ZRANB3: variants seen among roughly 807,000 people sequenced by gnomAD.
The protein encoded by ZRANB3 is DNA annealing helicase and endonuclease ZRANB3.
In ZRANB3, 125 loss-of-function variants were observed where a neutral mutation model predicts 133.8. The ratio of observed to expected loss-of-function variants is 0.93; its 90% CI spans 0.81 to 1.08. The LOEUF (loss-of-function observed/expected upper bound fraction) is 1.08. ZRANB3 is among the 50% of genes least tolerant of loss of function. The pLI is 0.00. For synonymous variants in ZRANB3, 387 were observed against 432.7 expected (o/e 0.89, Z 1.31); for missense variants, 1,229 against 1,275.5 (o/e 0.96, Z 0.56).
intron 2 of ZRANB3, among the ~76,000 whole-genome samples, chr2:135,458,292 T>G (rs543582334): frequency 1.3e-5 from 2 of 152,178 alleles, no homozygotes; most frequent in East Asian, 3.9e-4. Context: ...ACTATAGCTA[T>G]GTAGTAGTTT....
intron 15 of ZRANB3, among the ~76,000 whole-genome samples, chr2:135,223,562 A>G (rs902109056): frequency 6.6e-6 from 1 of 152,072 alleles, no homozygotes; most frequent in Non-Finnish European, 1.5e-5. Context: ...TCCTGACCTC[A>G]GGTGATCCAC....
At chr2:135,524,405 T>C (rs1694067976) in intron 1 of ZRANB3, among the ~76,000 whole-genome samples, 3 of 152,186 alleles carry the variant, frequency 2.0e-5, no homozygotes, top group South Asian at 4.1e-4. Flanking sequence ...AATAGAAATA[T>C]GTTTTAACAA....
At position 135,283,266 on chromosome 2, in the gene ZRANB3, C is replaced by G. The variant is rs191685939; in HGVS notation, c.967-7511G>C. 1.6e-4 allele frequency among the ~76,000 whole-genome samples: 24 copies of G among 151,708 alleles called. No homozygotes were observed. In the East Asian group the frequency reaches 4.5e-3, roughly 28 times the overall value. ...TGCCACTGCACTCCAGCCTGGGTGA[C>G]AGAGTGAGACCCTGTCTCAAACAAA... On this transcript the variant is annotated intron_variant, in intron 8 of 20. Transcript: ENST00000264159.
chr2:135,480,470 T>C (rs1179826348), intron 2 of ZRANB3, among the ~76,000 whole-genome samples: 3 of 152,090 alleles, frequency 2.0e-5, no homozygotes, highest in African/African-American at 4.8e-5. Context: ...CAGAAAACTT[T>C]TCAATTTTAG....
chr2:135,259,311 C>T (rs554667328), intron 12 of ZRANB3, among the ~76,000 whole-genome samples: 7 of 151,972 alleles, frequency 4.6e-5, no homozygotes, highest in South Asian at 2.1e-4. Flanking sequence ...CAAGAGCCAC[C>T]GCTCTGGCCT....
chr2:135,480,760 C>A (rs13408796), intron 2 of ZRANB3, among the ~76,000 whole-genome samples: 2,796 of 112,808 alleles, frequency 0.025, 125 homozygotes, highest in African/African-American at 0.092. Context: ...GCTATCCCTC[C>A]CCCCTCCCCC....
At chr2:135,406,693 G>C (rs1488139121) in intron 2 of ZRANB3, among the ~76,000 whole-genome samples, 1 of 152,082 alleles carries the variant, frequency 6.6e-6, no homozygotes, top group Non-Finnish European at 1.5e-5. Context: ...ATGTAATCCA[G>C]CATATAAACA....
rs989096557 is a variant in ZRANB3, at chr2:135,478,892, T to C, written c.161+25437A>G. On this transcript the variant is annotated intron_variant, in intron 2 of 20. Coordinates refer to ENST00000264159, the MANE Select transcript of ZRANB3 (RefSeq NM_032143.4). ...TATGTATACCTGTTATATGTATATA[T>C]GTATATTTTATGTTCTATATGTATA... is the stretch of plus-strand genomic sequence containing the variant. Among the ~76,000 whole-genome samples, 5 of 151,862 alleles carry C rather than the reference T, an allele frequency of 3.3e-5. 1 individual carries two copies. Among genetic ancestry groups the C allele is most frequent in the Admixed American group, 3.3e-4 (5 of 15,226 alleles).
chr2:135,350,717 C>T (rs1252791261), intron 4 of ZRANB3, among the ~76,000 whole-genome samples: 3 of 152,140 alleles, frequency 2.0e-5, no homozygotes, highest in Non-Finnish European at 4.4e-5. Flanking sequence ...CACCGCAGAG[C>T]TTCATTTCCT....
chr2:135,523,777 C>T (rs1315121288), intron 1 of ZRANB3, among the ~76,000 whole-genome samples: 4 of 152,156 alleles, frequency 2.6e-5, no homozygotes, highest in African/African-American at 9.7e-5. Context: ...CTTGATTATT[C>T]AGTACCTCTT....
At chr2:135,307,690 TAGA>T (rs1182467900) in intron 8 of ZRANB3, among the ~76,000 whole-genome samples, 3 of 152,120 alleles carry the variant, frequency 2.0e-5, no homozygotes, top group African/African-American at 7.2e-5. Context: ...GAGTTATGTG[TAGA>T]AGGATAGTAC....
intron 3 of ZRANB3, among the ~76,000 whole-genome samples, chr2:135,369,864 A>G (rs1686093544): frequency 6.6e-6 from 1 of 151,798 alleles, no homozygotes. Flanking sequence ...TCCTCCACAA[A>G]CCCTTCCAAC....
chr2:135,455,922 T>C (rs537838639), intron 2 of ZRANB3, among the ~76,000 whole-genome samples: 14 of 152,340 alleles, frequency 9.2e-5, no homozygotes, highest in African/African-American at 3.4e-4. Context: ...AAATTTCAGC[T>C]TGCCAGTATC....
intron 2 of ZRANB3, among the ~76,000 whole-genome samples, chr2:135,407,907 G>C (rs1278405041): frequency 6.9e-6 from 1 of 145,942 alleles, no homozygotes; most frequent in Non-Finnish European, 1.5e-5. Context: ...TCAGGACATA[G>C]GCATGGGCAA....
chr2:135,429,787 GA>G (rs1689240677), intron 2 of ZRANB3, among the ~76,000 whole-genome samples: 1 of 152,130 alleles, frequency 6.6e-6, no homozygotes, highest in Non-Finnish European at 1.5e-5. Flanking sequence ...TTTTAACAAT[GA>G]AAACTATATA....
At chr2:135,471,104 CTTT>C (rs11443441) in intron 2 of ZRANB3, among the ~76,000 whole-genome samples, 1 of 142,894 alleles carries the variant, frequency 7.0e-6, no homozygotes, top group Non-Finnish European at 1.5e-5. Flanking sequence ...CCCGGCCTCA[CTTT>C]TTTTTTTTTT....
intron 8 of ZRANB3, among the ~76,000 whole-genome samples, chr2:135,302,528 GTTTT>G (rs34855515): frequency 7.1e-6 from 1 of 141,266 alleles, no homozygotes; most frequent in Admixed American, 7.0e-5. Context: ...ACCAGGGTTT[GTTTT>G]TTTTTTTTTT....
chr2:135,494,894 A>G (rs971514060), intron 2 of ZRANB3, among the ~76,000 whole-genome samples: 2 of 152,246 alleles, frequency 1.3e-5, no homozygotes, highest in African/African-American at 4.8e-5. Flanking sequence ...CATGCTATAA[A>G]AGACAGCATT....
chr2:135,348,440 G>A (rs1685046695), intron 5 of ZRANB3, among the ~76,000 whole-genome samples: 1 of 152,006 alleles, frequency 6.6e-6, no homozygotes, highest in Non-Finnish European at 1.5e-5. Flanking sequence ...TTTGAATAGT[G>A]GCTACCACAG....
Sources: gnomAD v4.1 joint callset for allele counts (sites outside exome capture counted in the v4.1 genomes callset) on GRCh38, gnomAD v4.1.1 for gene constraint, MANE v1.5 for transcripts, NCBI Gene and HGNC (gene_info 2026-07-23, HGNC 2026-07-21) for gene names.